ADGRF5: variants seen among roughly 807,000 people sequenced by gnomAD.
The protein encoded by ADGRF5 is adhesion G protein-coupled receptor F5.
ADGRF5 carries 75 observed loss-of-function variants against 132.3 expected under a neutral mutation model. That is an observed-to-expected ratio of 0.57 (90% CI 0.47 to 0.69). The LOEUF is 0.69. Among genes scored for constraint, ADGRF5 ranks in the 30% least tolerant of loss-of-function variants. The pLI is 0.00. For synonymous variants in ADGRF5, 629 were observed against 597.6 expected, an observed-to-expected ratio of 1.05 and a Z score of -0.77; for missense variants, 1,516 against 1,630.6, an observed-to-expected ratio of 0.93 and a Z score of 1.21.
intron 1 of ADGRF5, among the ~76,000 whole-genome samples, chr6:46,931,182 G>A (rs1777540943): frequency 6.6e-6 from 1 of 152,134 alleles, no homozygotes; most frequent in African/African-American, 2.4e-5. Context: ...CTGGGCTCTG[G>A]GTGCTGTCCC....
At chr6:46,902,604 A>C (rs1011261259) in intron 2 of ADGRF5, among the ~76,000 whole-genome samples, 27 of 152,210 alleles carry the variant, frequency 1.8e-4, no homozygotes, top group Non-Finnish European at 4.4e-5. Context: ...ATCCATTGAC[A>C]TGAGGCCATC....
chr6:46,899,874 A>T (rs567223763), intron 3 of ADGRF5, among the ~76,000 whole-genome samples, 155 bp downstream of exon 3: 34 of 152,064 alleles, frequency 2.2e-4, no homozygotes, highest in South Asian at 8.3e-4. Flanking sequence ...TAGAGAATGG[A>T]GTTTCCTAGT....
chr6:46,901,468 A>G (rs1774754465), intron 2 of ADGRF5, among the ~76,000 whole-genome samples: 1 of 152,152 alleles, frequency 6.6e-6, no homozygotes. Flanking sequence ...GTTGTCTACC[A>G]CTATTTTCTA....
chr6:46,949,530 G>A (rs1309000764), intron 1 of ADGRF5, among the ~76,000 whole-genome samples: 3 of 152,228 alleles, frequency 2.0e-5, no homozygotes, highest in African/African-American at 7.2e-5. Context: ...TTGACTCACA[G>A]CAGGCAGACA....
intron 14 of ADGRF5, 102 bp from the exon 15 acceptor site, chr6:46,863,198 T>G (rs573103193): frequency 1.1e-6 from 1 of 888,268 alleles, no homozygotes; most frequent in Non-Finnish European, 1.9e-6. Context: ...GAATTCACAT[T>G]TACCTTTACT....
In ADGRF5 at chr6:46,953,649, G is replaced by GTATATATATATA. The variant is rs1408461844; in HGVS notation, c.-25+1084_-25+1085insTATATATATATA. Among the ~76,000 whole-genome samples, 14 of 91,494 alleles carry GTATATATATATA rather than the reference G, an allele frequency of 1.5e-4. 1 individual carries two copies. Among genetic ancestry groups the GTATATATATATA allele is most frequent in the African/African-American group, 6.0e-4 (13 of 21,804 alleles). The allele number at this position is 91,494 out of a possible 152,430, so 60.0% of individuals were successfully genotyped here. ...AAAAATTATATATATATAGATATAT[G>GTATATATATATA]TGTATATATATATATATATATATAT... On this transcript the variant is annotated intron_variant, in intron 1 of 20. Coordinates refer to the ADGRF5 transcript ENST00000265417.
At position 46,858,264 on chromosome 6, in the gene ADGRF5, G is replaced by T; in HGVS notation, c.3639C>A (p.Ser1213Arg). The part of the protein sequence containing the change: ...GDKPCKQEKS[S>R]LFQISKSIGV... The stretch of plus-strand genomic sequence containing the variant: ...CAATGCTCTTGCTGATCTGAAACAG[G>T]CTGCTCTTCTCCTGCTTGCATGGCT... The change falls in exon 17 of 21, where the codon AGC (serine) becomes AGA (arginine). Residue 1213 changes from serine (S) to arginine (R), a missense_variant. Ser to Arg is a moderately radical substitution (Grantham distance 110, BLOSUM62 -1). This residue lies in a region of ADGRF5 where 571 missense variants were observed against 701.2 expected (regional missense o/e 0.81). Coordinates refer to ENST00000283296, the MANE Select transcript of ADGRF5 (RefSeq NM_001098518.2). 6.2e-7 allele frequency: 1 copy of T among 1,614,066 alleles called. No homozygotes were observed. The highest frequency in any genetic ancestry group is 8.5e-7 in the Non-Finnish European group (1 of 1,180,014).
chr6:46,897,143 T>TACACAC lies in ADGRF5; in HGVS notation c.157+2885_157+2886insGTGTGT, dbSNP rs780714315. Among the ~76,000 whole-genome samples, 8 of 123,504 alleles carry TACACAC rather than the reference T, an allele frequency of 6.5e-5. No individual in the cohort carries two copies. In the South Asian group the frequency reaches 1.7e-3, roughly 27 times the overall value. 81.0% of individuals were successfully genotyped at this position (123,504 alleles called of 152,430 possible). A position where few individuals can be genotyped will look rare whatever the true frequency, so the allele number is the denominator to read the frequency against. On this transcript the variant is annotated intron_variant, in intron 3 of 20. Transcript: ENST00000283296. ...ATACACAGACATATGCATGCATATA[T>TACACAC]ATACACACACACACACACACACACA...
At chr6:46,943,698 C>A (rs1270584892) in intron 1 of ADGRF5, among the ~76,000 whole-genome samples, 1 of 152,190 alleles carries the variant, frequency 6.6e-6, no homozygotes, top group Non-Finnish European at 1.5e-5. Flanking sequence ...GGTTTAAAAT[C>A]TACATAGATT....
intron 20 of ADGRF5, among the ~76,000 whole-genome samples, chr6:46,855,696 G>C (rs1442414231): frequency 6.6e-6 from 1 of 152,132 alleles, no homozygotes; most frequent in East Asian, 1.9e-4. Flanking sequence ...TCATTTTGAT[G>C]GATGATATTT....
At chr6:46,868,119 C>A (rs2150804217) in intron 12 of ADGRF5, among the ~76,000 whole-genome samples, 1 of 152,302 alleles carries the variant, frequency 6.6e-6, no homozygotes, top group Admixed American at 6.5e-5. Context: ...GGAATCTAGA[C>A]TGATTAATCT....
In ADGRF5 at chr6:46,884,264, T is replaced by G; in HGVS notation, c.336A>C (p.Arg112Ser). 1 of 1,613,114 alleles carries G rather than the reference T, an allele frequency of 6.2e-7. No individual in the cohort carries two copies. Among genetic ancestry groups the G allele is most frequent in the African/African-American group, 1.3e-5 (1 of 75,024 alleles). ...ILSINVTTVC[R>S]PAGNEIWCSC... is the part of the protein sequence containing the mutation. Reference sequence around the variant, plus strand: ...AGCACCAGATTTCATTTCCAGCAGGTCTGCAGACTATCGTTAATCAGAACA... The same window carrying G: ...AGCACCAGATTTCATTTCCAGCAGGGCTGCAGACTATCGTTAATCAGAACA... Residue 112 changes from arginine (R) to serine (S), a missense_variant, in exon 5 of 21, where the codon AGA becomes AGC. This residue lies in a region of ADGRF5 where 945 missense variants were observed against 929.4 expected (regional missense o/e 1.02). Coordinates refer to ENST00000283296, the MANE Select transcript of ADGRF5 (RefSeq NM_001098518.2).
chr6:46,937,800 A>C lies in ADGRF5; in HGVS notation c.-25+16934T>G, dbSNP rs190536022. Reference sequence around the variant, plus strand: ...ACATATCTTGACAGTCGATTTGATAACTGAGAAAGCTACTAAGTGACCAAT... The same window carrying C: ...ACATATCTTGACAGTCGATTTGATACCTGAGAAAGCTACTAAGTGACCAAT... On this transcript the variant is annotated intron_variant, in intron 1 of 20. Coordinates refer to the ADGRF5 transcript ENST00000265417. Among the ~76,000 whole-genome samples, 729 of 152,320 alleles carry C rather than the reference A, an allele frequency of 4.8e-3. 2 individuals carry two copies. Among genetic ancestry groups the C allele is most frequent in the Non-Finnish European group, 6.5e-3 (441 of 68,026 alleles).
chr6:46,896,714 C>CATAT (rs147120878), intron 3 of ADGRF5, among the ~76,000 whole-genome samples: 3 of 149,496 alleles, frequency 2.0e-5, no homozygotes, highest in Non-Finnish European at 4.5e-5. Flanking sequence ...ATATGTGATA[C>CATAT]ATATATATAT....
chr6:46,880,927 CAA>C (rs1200272791), intron 8 of ADGRF5, among the ~76,000 whole-genome samples: 1 of 151,146 alleles, frequency 6.6e-6, no homozygotes, highest in African/African-American at 2.4e-5. Context: ...CCCATCTCTA[CAA>C]AAAATAATAA....
chr6:46,855,554 G>GTTTTGTAGTTTTGTAGTAAGAT (rs1170226503), intron 20 of ADGRF5, among the ~76,000 whole-genome samples: 1 of 152,174 alleles, frequency 6.6e-6, no homozygotes, highest in Admixed American at 6.5e-5. Context: ...AACCTACATA[G>GTTTTGTAGTTTTGTAGTAAGAT]TGAGATCCTG....
At chr6:46,876,104 G>A (rs1313338242) in intron 10 of ADGRF5, among the ~76,000 whole-genome samples, 1 of 152,210 alleles carries the variant, frequency 6.6e-6, no homozygotes, top group Non-Finnish European at 1.5e-5. Context: ...TTGGAAAAAT[G>A]GTTGTTAGTA....
intron 1 of ADGRF5, among the ~76,000 whole-genome samples, chr6:46,948,475 AGTGTGTGTGTGT>A (rs3030417): frequency 0.04 from 5,666 of 143,352 alleles, 136 homozygotes; most frequent in Non-Finnish European, 0.056. Flanking sequence ...TGCTCTAGTG[AGTGTGTGTGTGT>A]GTGTGTGTGT....
intron 1 of ADGRF5, among the ~76,000 whole-genome samples, chr6:46,917,817 C>T (rs1262249317): frequency 6.6e-6 from 1 of 152,154 alleles, no homozygotes; most frequent in Non-Finnish European, 1.5e-5. Context: ...TTGATGGGCA[C>T]AGCAAACAAA....
Sources: gnomAD v4.1 joint callset for allele counts (sites outside exome capture counted in the v4.1 genomes callset) on GRCh38, gnomAD v4.1.1 for gene constraint, gnomAD v4.1.1 regional missense constraint, MANE v1.5 for transcripts, NCBI Gene and HGNC (gene_info 2026-07-23, HGNC 2026-07-21) for gene names.